The following ELMO1 variants were observed in gnomAD, a reference collection of about 807,000 sequenced individuals.
ELMO1 encodes engulfment and cell motility 1.
ELMO1 carries 26 observed loss-of-function variants against 98.9 expected under a neutral mutation model. The observed-to-expected ratio is 0.26, with a 90% CI of 0.19 to 0.36. ELMO1 has a LOEUF of 0.36. ELMO1 is among the 10% of genes least tolerant of loss of function. ELMO1 has a pLI of 1.00. For missense variants in ELMO1, 627 were observed against 935.2 expected (o/e 0.67, Z 4.30); for synonymous variants, 346 against 346.0 (o/e 1.00, Z 0.00).
chr7:37,186,118 T>C (rs1791189280), intron 13 of ELMO1, among the ~76,000 whole-genome samples: 1 of 152,156 alleles, frequency 6.6e-6, no homozygotes, highest in Non-Finnish European at 1.5e-5. Flanking sequence ...AGAATAAACA[T>C]ATAGCAATGG....
At chr7:37,096,512 G>A (rs1028236438) in intron 15 of ELMO1, 107 bp downstream of exon 15, 12 of 882,608 alleles carry the variant, frequency 1.4e-5, no homozygotes, top group African/African-American at 1.3e-4. Context: ...AGTGATGACC[G>A]TAAGAAGCTG....
Position 37,227,638 on chromosome 7 carries a change from G to A in ELMO1, c.550-2608C>T, listed in dbSNP as rs975801568. Among the ~76,000 whole-genome samples the A allele has an allele frequency of 5.3e-5, 8 of 151,970 alleles. 1 individual carries two copies. Among genetic ancestry groups the A allele is most frequent in the Admixed American group, 2.6e-4 (4 of 15,256 alleles). ...TGACCTCAAGTAATCCACCCGCCTC[G>A]GCCTCCCAAAGTGCTGGGATTACAG... On this transcript the variant is annotated intron_variant, in intron 8 of 21. Coordinates refer to ENST00000310758, the MANE Select transcript of ELMO1 (RefSeq NM_014800.11).
chr7:36,974,831 C>T (rs922025251), intron 16 of ELMO1, among the ~76,000 whole-genome samples: 1 of 152,058 alleles, frequency 6.6e-6, no homozygotes, highest in African/African-American at 2.4e-5. Flanking sequence ...CAGCTTCACT[C>T]CTGAAGCCAG....
rs552410786 is a variant in ELMO1 at position 37,406,433 on chromosome 7, A to T, written c.-74+42242T>A. On this transcript the variant is annotated intron_variant, in intron 1 of 21. Transcript: ENST00000310758. ...AAAATGAAAGTGAGGAAGTAAGAAAATTTTTTTTTTTTATGAGACAGAGTC... is the reference window on the plus strand; with the variant it reads ...AAAATGAAAGTGAGGAAGTAAGAAATTTTTTTTTTTTTATGAGACAGAGTC... Among the ~76,000 whole-genome samples, 156 of 148,546 alleles carry T rather than the reference A, an allele frequency of 1.1e-3. 1 individual carries two copies. The South Asian group carries it at 0.016, about 16-fold the overall frequency.
intron 16 of ELMO1, among the ~76,000 whole-genome samples, chr7:36,958,151 A>C (rs73342235): frequency 0.056 from 8,521 of 152,046 alleles, 774 homozygotes; most frequent in African/African-American, 0.19. Context: ...CCTAACTTCT[A>C]TTCCATTATA....
chr7:37,304,640 C>T (rs1311389377), intron 4 of ELMO1, among the ~76,000 whole-genome samples: 4 of 152,100 alleles, frequency 2.6e-5, no homozygotes, highest in South Asian at 2.1e-4. Flanking sequence ...CGCTTGAACC[C>T]GGGAGGTGGA....
chr7:37,404,739 T>A (rs1046346613), intron 1 of ELMO1, among the ~76,000 whole-genome samples: 2 of 152,250 alleles, frequency 1.3e-5, no homozygotes, highest in Admixed American at 1.3e-4. Context: ...ACCAAAAGTT[T>A]CCTGGATCTT....
At chr7:37,048,556 C>T (rs1795926982) in intron 15 of ELMO1, among the ~76,000 whole-genome samples, 1 of 152,210 alleles carries the variant, frequency 6.6e-6, no homozygotes, top group African/African-American at 2.4e-5. Context: ...TCTGTTCCCC[C>T]ACCTAACCCA....
At chr7:37,192,497 C>A (rs374901035) in intron 13 of ELMO1, among the ~76,000 whole-genome samples, 355 of 104,206 alleles carry the variant, frequency 3.4e-3, no homozygotes, top group Admixed American at 3.6e-3. Flanking sequence ...GACTCCATCT[C>A]AAAAAAAAAA....
chr7:37,378,230 G>A (rs977988200), intron 1 of ELMO1, among the ~76,000 whole-genome samples: 2 of 152,192 alleles, frequency 1.3e-5, no homozygotes, highest in Admixed American at 1.3e-4. Flanking sequence ...AGCTGAGCTT[G>A]GGAGTGAACT....
intron 16 of ELMO1, among the ~76,000 whole-genome samples, chr7:36,998,629 G>A (rs2129159231): frequency 6.6e-6 from 1 of 152,162 alleles, no homozygotes; most frequent in African/African-American, 2.4e-5. Context: ...AGGAGAGAGT[G>A]GTTCACAGGG....
At chr7:36,916,989 T>C (rs562820052) in intron 16 of ELMO1, among the ~76,000 whole-genome samples, 3 of 152,320 alleles carry the variant, frequency 2.0e-5, no homozygotes, top group East Asian at 3.9e-4. Context: ...TTGAGATACT[T>C]TGCAAGAATT....
Position 37,327,678 on chromosome 7 carries a change from C to G in ELMO1, c.79-11718G>C, listed in dbSNP as rs560501136. 2.0e-5 allele frequency among the ~76,000 whole-genome samples: 3 copies of G among 152,244 alleles called. 1 individual carries two copies. In the East Asian group the frequency reaches 5.8e-4, roughly 29 times the overall value. On this transcript the variant is annotated intron_variant, in intron 2 of 21. Coordinates refer to ENST00000310758, the MANE Select transcript of ELMO1 (RefSeq NM_014800.11). ...GTCTGCGTGCTTTTGAGTGGATGTA[C>G]TAATGGCAATTCATCCTCCTTTCTT...
At chr7:37,178,062 C>T (rs371144232) in intron 13 of ELMO1, among the ~76,000 whole-genome samples, 5 of 151,946 alleles carry the variant, frequency 3.3e-5, no homozygotes, top group East Asian at 1.9e-4. Context: ...AGCATTATCT[C>T]GGTGTGTCTG....
chr7:37,393,764 G>T (rs148103561), intron 1 of ELMO1: 2 of 152,104 alleles, frequency 1.3e-5, no homozygotes, highest in Non-Finnish European at 2.9e-5. Context: ...CTGTTCATTT[G>T]TTCCTCAGCT....
At chr7:37,301,977 A>G (rs1798374721) in intron 4 of ELMO1, among the ~76,000 whole-genome samples, 1 of 152,190 alleles carries the variant, frequency 6.6e-6, no homozygotes, top group South Asian at 2.1e-4. Context: ...AATAATTGCA[A>G]AAGTAAAAGA....
At chr7:37,323,460 A>G (rs1383671190) in intron 2 of ELMO1, among the ~76,000 whole-genome samples, 1 of 152,202 alleles carries the variant, frequency 6.6e-6, no homozygotes, top group Non-Finnish European at 1.5e-5. Context: ...TAGGAGGCCA[A>G]GCCAGGTGGA....
rs1352977738 is a variant in ELMO1, at chr7:37,293,111, C to T, written c.193-21229G>A. 5.1e-4 allele frequency among the ~76,000 whole-genome samples: 15 copies of T among 29,182 alleles called. 1 individual carries two copies. Among genetic ancestry groups the T allele is most frequent in the Admixed American group, 2.3e-3 (5 of 2,176 alleles). 19.1% of individuals were successfully genotyped at this position (29,182 alleles called of 152,430 possible). ...GGGAGGTGGGGGGGGGTCAGCCCCC[C>T]GTCCGGCCAGCCACCCCGTCTGGGA... is the stretch of plus-strand genomic sequence containing the variant. On this transcript the variant is annotated intron_variant, in intron 4 of 21. Coordinates refer to ENST00000310758, the MANE Select transcript of ELMO1 (RefSeq NM_014800.11).
chr7:36,920,628 C>G (rs953578801), intron 16 of ELMO1, among the ~76,000 whole-genome samples: 3 of 152,158 alleles, frequency 2.0e-5, no homozygotes, highest in African/African-American at 7.2e-5. Flanking sequence ...GCATGAAAGG[C>G]TTTTAAAAAA....
Sources: gnomAD v4.1 joint callset for allele counts (sites outside exome capture counted in the v4.1 genomes callset) on GRCh38, gnomAD v4.1.1 for gene constraint, MANE v1.5 for transcripts, NCBI Gene and HGNC (gene_info 2026-07-23, HGNC 2026-07-21) for gene names.